The following RNF180 variants were observed in gnomAD, a reference collection of about 807,000 sequenced individuals.
RNF180 encodes E3 ubiquitin-protein ligase RNF180.
A neutral mutation model predicts 59.2 loss-of-function variants in RNF180; 38 were observed. The observed-to-expected ratio is 0.64, with a 90% CI of 0.50 to 0.84. RNF180 has a LOEUF of 0.84. Among genes scored for constraint, RNF180 ranks in the 40% least tolerant of loss-of-function variants. RNF180 has a pLI of 0.00. For synonymous variants in RNF180, 262 were observed against 240.3 expected, an observed-to-expected ratio of 1.09 and a Z score of -0.84; for missense variants, 705 against 700.9, an observed-to-expected ratio of 1.01 and a Z score of -0.07.
intron 7 of RNF180, among the ~76,000 whole-genome samples, chr5:64,340,041 G>A (rs1413731901): frequency 1.3e-5 from 2 of 152,032 alleles, no homozygotes; most frequent in Non-Finnish European, 2.9e-5. Flanking sequence ...CCATTTTCAG[G>A]CATTTAATCC....
chr5:64,167,337 A>G (rs1444009339), intron 1 of RNF180, among the ~76,000 whole-genome samples: 1 of 152,140 alleles, frequency 6.6e-6, no homozygotes, highest in Non-Finnish European at 1.5e-5. Context: ...TCTCTCTGGA[A>G]CCATCAACAA....
chr5:64,231,554 CGTTA>C (rs751566404), intron 5 of RNF180, among the ~76,000 whole-genome samples: 3 of 152,184 alleles, frequency 2.0e-5, no homozygotes, highest in Non-Finnish European at 2.9e-5. Context: ...TCGGTTAATT[CGTTA>C]GTTATATAGG....
At chr5:64,274,993 T>C (rs1050974202) in intron 5 of RNF180, among the ~76,000 whole-genome samples, 5 of 152,038 alleles carry the variant, frequency 3.3e-5, no homozygotes, top group East Asian at 3.9e-4. Flanking sequence ...ATGACTGATA[T>C]GGAAGTTAGC....
At chr5:64,182,848 C>T (rs1471893004) in intron 1 of RNF180, among the ~76,000 whole-genome samples, 1 of 152,166 alleles carries the variant, frequency 6.6e-6, no homozygotes, top group Non-Finnish European at 1.5e-5. Flanking sequence ...TTTGCAGACC[C>T]TGTCAATGTA....
At chr5:64,356,869 G>A (rs1171400326) in intron 7 of RNF180, among the ~76,000 whole-genome samples, 1 of 151,738 alleles carries the variant, frequency 6.6e-6, no homozygotes, top group Non-Finnish European at 1.5e-5. Context: ...GTTTCTGTTT[G>A]GGATAATGAA....
At chr5:64,170,894 AG>A (rs1749900881) in intron 1 of RNF180, among the ~76,000 whole-genome samples, 1 of 152,202 alleles carries the variant, frequency 6.6e-6, no homozygotes. Context: ...GAGAACACCC[AG>A]TCACCAGGTT....
intron 5 of RNF180, among the ~76,000 whole-genome samples, chr5:64,236,321 G>A (rs1209415787): frequency 1.3e-5 from 2 of 152,158 alleles, no homozygotes; most frequent in Non-Finnish European, 2.9e-5. Flanking sequence ...AGAGATCTGT[G>A]GAACTTTGAA....
chr5:64,193,903 T>C (rs1478742090), intron 1 of RNF180, among the ~76,000 whole-genome samples: 4 of 152,196 alleles, frequency 2.6e-5, no homozygotes, highest in Admixed American at 2.6e-4. Context: ...CTGCCCCATA[T>C]TGGGCACCCT....
At chr5:64,178,733 A>G (rs1465378904) in intron 1 of RNF180, among the ~76,000 whole-genome samples, 1 of 152,192 alleles carries the variant, frequency 6.6e-6, no homozygotes, top group Non-Finnish European at 1.5e-5. Context: ...TGTACAGTGC[A>G]TAGGTAGAAT....
Position 64,212,124 on chromosome 5 carries a change from A to G in RNF180, c.195A>G (p.Glu65=). 2 of 1,606,740 alleles carry G rather than the reference A, an allele frequency of 1.2e-6. No homozygotes were observed. Among genetic ancestry groups the G allele is most frequent in the Non-Finnish European group, 1.7e-6 (2 of 1,173,506 alleles). ...NICHVWHMNV[E]ALPEWISCLI... is the part of the protein sequence containing the mutation. Reference sequence around the variant, plus strand: ...GTCATGTGTGGCACATGAATGTAGAAGCCCTTCCAGAATGGATAAGCTGCC... The same window carrying G: ...GTCATGTGTGGCACATGAATGTAGAGGCCCTTCCAGAATGGATAAGCTGCC... Residue 65 remains glutamate, a synonymous_variant, in exon 3 of 8, where the codon GAA becomes GAG. Transcript: ENST00000389100.
At chr5:64,295,604 C>CT (rs2112438284) in intron 5 of RNF180, among the ~76,000 whole-genome samples, 1 of 152,286 alleles carries the variant, frequency 6.6e-6, no homozygotes, top group East Asian at 1.9e-4. Flanking sequence ...CCCTAACTCC[C>CT]TTTTTTACCC....
intron 5 of RNF180, among the ~76,000 whole-genome samples, chr5:64,244,134 A>G (rs1165128672): frequency 6.6e-6 from 1 of 152,218 alleles, no homozygotes; most frequent in Non-Finnish European, 1.5e-5. Context: ...AAGATGAGGA[A>G]AAAACAGGAC....
intron 5 of RNF180, among the ~76,000 whole-genome samples, chr5:64,314,708 ATTG>A (rs902371576): frequency 9.2e-5 from 14 of 152,328 alleles, no homozygotes; most frequent in Admixed American, 5.9e-4. Flanking sequence ...GAAGAATGCC[ATTG>A]TTTTACATTT....
chr5:64,168,368 T>C (rs1027575019), intron 1 of RNF180, among the ~76,000 whole-genome samples: 5 of 152,300 alleles, frequency 3.3e-5, no homozygotes, highest in African/African-American at 1.2e-4. Context: ...AAAAATAGTT[T>C]AAAATAATGA....
At chr5:64,265,584 A>C (rs888644495) in intron 5 of RNF180, among the ~76,000 whole-genome samples, 1 of 152,074 alleles carries the variant, frequency 6.6e-6, no homozygotes, top group Non-Finnish European at 1.5e-5. Flanking sequence ...TCATTGGTCT[A>C]TATTTCTATT....
chr5:64,282,785 AGGTTGTTTAATTT>A (rs1333134527), intron 5 of RNF180, among the ~76,000 whole-genome samples: 3 of 152,114 alleles, frequency 2.0e-5, no homozygotes, highest in Admixed American at 2.0e-4. Context: ...ATTCAGAAGC[AGGTTGTTTAATTT>A]GCATGTGACT....
chr5:64,188,160 A>T (rs1750961180), intron 1 of RNF180, among the ~76,000 whole-genome samples: 1 of 152,188 alleles, frequency 6.6e-6, no homozygotes, highest in Non-Finnish European at 1.5e-5. Flanking sequence ...TGCTCATGTT[A>T]ACAGCCACGG....
intron 5 of RNF180, among the ~76,000 whole-genome samples, chr5:64,238,976 G>A (rs1165704423): frequency 6.6e-6 from 1 of 152,132 alleles, no homozygotes; most frequent in Non-Finnish European, 1.5e-5. Context: ...GTTTAACCAT[G>A]AGGTGGATGA....
rs567775592 is a variant in RNF180, at chr5:64,271,428, A to G, written c.1228-53758A>G. ...ATGTTGTATAACAACACTGCATTCAATAATGGACCACATATAAAATAGTCA... is the reference window on the plus strand; with the variant it reads ...ATGTTGTATAACAACACTGCATTCAGTAATGGACCACATATAAAATAGTCA... On this transcript the variant is annotated intron_variant, in intron 5 of 7. Transcript: ENST00000389100. Among the ~76,000 whole-genome samples the G allele has an allele frequency of 1.4e-3, 219 of 152,194 alleles. 1 individual carries two copies. Among genetic ancestry groups the G allele is most frequent in the African/African-American group, 4.9e-3 (202 of 41,566 alleles).
Sources: allele counts gnomAD v4.1 joint callset (sites outside exome capture counted in the v4.1 genomes callset), GRCh38; gene constraint gnomAD v4.1.1; transcripts MANE v1.5; gene names NCBI Gene and HGNC (gene_info 2026-07-23, HGNC 2026-07-21).